Variants in KAZN observed in about 807,000 individuals in gnomAD.
The protein encoded by KAZN is kazrin, periplakin interacting protein.
KAZN carries 40 observed loss-of-function variants against 87.4 expected under a neutral mutation model. That is an observed-to-expected ratio of 0.46 (90% confidence interval 0.36 to 0.60). KAZN has a LOEUF of 0.60. Ranked by LOEUF, KAZN falls within the 20% of genes least tolerant of loss-of-function variation. The pLI, the probability that KAZN is intolerant of heterozygous loss-of-function variation, is 0.00. For missense variants in KAZN, 898 were observed against 1,073.9 expected (o/e 0.84, Z 2.29); for synonymous variants, 466 against 458.3 (o/e 1.02, Z -0.22).
chr1:15,060,053 T>C (rs772426507), intron 5 of KAZN, 119 bp from the exon 6 acceptor site: 15 of 1,341,044 alleles, frequency 1.1e-5, no homozygotes, highest in Non-Finnish European at 1.5e-5. Flanking sequence ...TCTCTTCCCT[T>C]CTCTACACCT....
intron 2 of KAZN, among the ~76,000 whole-genome samples, chr1:14,538,505 C>T (rs931146591): frequency 5.3e-5 from 8 of 152,092 alleles, no homozygotes; most frequent in Non-Finnish European, 8.8e-5. Context: ...CTGCATTCTC[C>T]GAGGGGAGAA....
intron 2 of KAZN, among the ~76,000 whole-genome samples, chr1:14,538,054 G>A (rs912484378): frequency 4.6e-5 from 7 of 152,220 alleles, no homozygotes; most frequent in Admixed American, 2.0e-4. Flanking sequence ...TCTGCTATGC[G>A]ACTTATTCAT....
At chr1:14,714,717 AG>A (rs1227836294) in intron 1 of KAZN, among the ~76,000 whole-genome samples, 2 of 151,722 alleles carry the variant, frequency 1.3e-5, no homozygotes, top group Admixed American at 1.3e-4. Flanking sequence ...TGAGGAAGAG[AG>A]AGATGTGGAT....
At chr1:14,794,848 G>A (rs1022167343) in intron 1 of KAZN, among the ~76,000 whole-genome samples, 2 of 152,212 alleles carry the variant, frequency 1.3e-5, no homozygotes, top group African/African-American at 4.8e-5. Flanking sequence ...CCCTCAATCT[G>A]TGTGGGCACC....
intron 2 of KAZN, among the ~76,000 whole-genome samples, chr1:14,204,108 G>A (rs1023889607): frequency 1.3e-5 from 2 of 152,260 alleles, no homozygotes; most frequent in Non-Finnish European, 2.9e-5. Flanking sequence ...GAGATTGGAA[G>A]TAGGATAGTG....
intron 2 of KAZN, among the ~76,000 whole-genome samples, chr1:14,212,323 C>T (rs1646869705): frequency 6.6e-6 from 1 of 152,080 alleles, no homozygotes; most frequent in Non-Finnish European, 1.5e-5. Flanking sequence ...TTCTTTCCTT[C>T]AAGGCACTGC....
intron 2 of KAZN, among the ~76,000 whole-genome samples, chr1:15,032,337 C>CA (rs1395868399): frequency 6.6e-6 from 1 of 151,508 alleles, no homozygotes; most frequent in African/African-American, 2.4e-5. Context: ...GGACTACAGG[C>CA]ACCTGCCACT....
At chr1:15,025,899 G>T (rs747174666) in intron 2 of KAZN, among the ~76,000 whole-genome samples, 3 of 152,174 alleles carry the variant, frequency 2.0e-5, no homozygotes, top group Non-Finnish European at 2.9e-5. Flanking sequence ...AAGGCGGGCG[G>T]ATCACTTGAG....
At chr1:14,661,167 T>C (rs1294855722) in intron 1 of KAZN, among the ~76,000 whole-genome samples, 1 of 152,192 alleles carries the variant, frequency 6.6e-6, no homozygotes, top group Non-Finnish European at 1.5e-5. Context: ...GAACTGAGGC[T>C]GGAGAAGCTG....
chr1:14,900,024 T>A (rs533968727), intron 1 of KAZN, among the ~76,000 whole-genome samples: 12 of 152,274 alleles, frequency 7.9e-5, no homozygotes, highest in African/African-American at 2.6e-4. Context: ...TCAAAGCAGA[T>A]CCTTGGGACT....
At chr1:14,426,306 C>G (rs1412668146) in intron 2 of KAZN, among the ~76,000 whole-genome samples, 1 of 152,224 alleles carries the variant, frequency 6.6e-6, no homozygotes, top group Non-Finnish European at 1.5e-5. Context: ...ACCCCACATT[C>G]ACTCTGAGAC....
intron 1 of KAZN, among the ~76,000 whole-genome samples, chr1:14,621,093 C>T (rs538512304): frequency 1.2e-4 from 19 of 152,252 alleles, no homozygotes; most frequent in Admixed American, 5.2e-4. Flanking sequence ...AGGGGAGCTG[C>T]CAAGTGAAAA....
intron 1 of KAZN, among the ~76,000 whole-genome samples, chr1:14,056,966 C>T (rs2101494388): frequency 6.6e-6 from 1 of 150,802 alleles, no homozygotes; most frequent in South Asian, 2.1e-4. Flanking sequence ...ATCGCTTGAG[C>T]CCAGGAGGCA....
At chr1:14,628,428 C>T (rs1433492175) in intron 1 of KAZN, among the ~76,000 whole-genome samples, 4 of 152,150 alleles carry the variant, frequency 2.6e-5, no homozygotes, top group Admixed American at 1.3e-4. Context: ...GAGAGAAATG[C>T]TTTCATAACA....
chr1:13,945,710 T>TGTGTGTGTGAGA (rs757118365), intron 1 of KAZN, among the ~76,000 whole-genome samples: 27 of 137,266 alleles, frequency 2.0e-4, no homozygotes, highest in East Asian at 1.4e-3. Flanking sequence ...TGTGTGTGTG[T>TGTGTGTGTGAGA]GAGAGAGAGA....
intron 2 of KAZN, among the ~76,000 whole-genome samples, chr1:14,220,457 GTGTC>G: frequency 6.6e-6 from 1 of 152,148 alleles, no homozygotes; most frequent in East Asian, 1.9e-4. Flanking sequence ...CTATTTCTCT[GTGTC>G]GAGAGGACTT....
chr1:14,861,290 G>A (rs1163123278), intron 1 of KAZN, among the ~76,000 whole-genome samples: 2 of 152,148 alleles, frequency 1.3e-5, no homozygotes, highest in African/African-American at 2.4e-5. Context: ...GAGGCGGGAG[G>A]ATCACTTGAA....
chr1:14,667,243 C>T (rs1639619044), intron 1 of KAZN, among the ~76,000 whole-genome samples: 1 of 152,180 alleles, frequency 6.6e-6, no homozygotes, highest in African/African-American at 2.4e-5. Flanking sequence ...ATACGGAGCC[C>T]TGGCTGTCCA....
At chr1:14,833,872 G>A (rs755266956) in intron 1 of KAZN, among the ~76,000 whole-genome samples, 6 of 151,224 alleles carry the variant, frequency 4.0e-5, no homozygotes, top group South Asian at 2.1e-4. Context: ...CCTGAAATTC[G>A]GGTTTGCCAG....
Sources: allele counts gnomAD v4.1 joint callset (sites outside exome capture counted in the v4.1 genomes callset), GRCh38; gene constraint gnomAD v4.1.1; transcripts MANE v1.5; gene names NCBI Gene and HGNC (gene_info 2026-07-23, HGNC 2026-07-21).